Variants in XIRP2 observed in about 807,000 individuals in gnomAD.
XIRP2 encodes the protein xin actin-binding repeat-containing protein 2.
A neutral mutation model predicts 277.0 loss-of-function variants in XIRP2; 236 were observed. That is an observed-to-expected ratio of 0.85 (90% CI 0.77 to 0.95). The LOEUF (loss-of-function observed/expected upper bound fraction) is 0.95. Among genes scored for constraint, XIRP2 ranks in the 40% least tolerant of loss-of-function variants. The pLI, the probability that XIRP2 is intolerant of heterozygous loss-of-function variation, is 0.00. For missense variants in XIRP2, 4,640 were observed against 4,157.5 expected, an observed-to-expected ratio of 1.12 and a Z score of -3.19; for synonymous variants, 1,490 against 1,416.5, an observed-to-expected ratio of 1.05 and a Z score of -1.17.
intron 2 of XIRP2, among the ~76,000 whole-genome samples, chr2:167,112,649 A>AT (rs1690792612): frequency 6.7e-6 from 1 of 149,898 alleles, no homozygotes; most frequent in Non-Finnish European, 1.5e-5. Context: ...ATAGAGAGAG[A>AT]TTTTTTATAT....
intron 4 of XIRP2, among the ~76,000 whole-genome samples, chr2:167,216,847 G>A (rs1441195741): frequency 6.6e-5 from 8 of 121,844 alleles, no homozygotes; most frequent in South Asian, 2.9e-4. Flanking sequence ...TGTTTATTGC[G>A]GCATTATTCA....
At chr2:167,201,035 A>C (rs754991006) in intron 3 of XIRP2, among the ~76,000 whole-genome samples, 59 of 151,846 alleles carry the variant, frequency 3.9e-4, no homozygotes, top group Non-Finnish European at 6.0e-4. Context: ...CTGAGGCAGG[A>C]GAATTGCTTG....
At chr2:167,118,245 C>T (rs1690949357) in intron 2 of XIRP2, among the ~76,000 whole-genome samples, 1 of 151,868 alleles carries the variant, frequency 6.6e-6, no homozygotes, top group Admixed American at 6.6e-5. Context: ...TTTGCGAGGC[C>T]GTGATGGGCA....
chr2:166,937,846 T>G (rs1223388071), intron 2 of XIRP2, among the ~76,000 whole-genome samples: 2 of 152,232 alleles, frequency 1.3e-5, no homozygotes, highest in African/African-American at 4.8e-5. Context: ...GTTGAGGAAT[T>G]TATCCATTTC....
intron 3 of XIRP2, among the ~76,000 whole-genome samples, chr2:167,184,190 G>A (rs968661822): frequency 6.6e-6 from 1 of 152,166 alleles, no homozygotes; most frequent in East Asian, 1.9e-4. Flanking sequence ...CTAGGGCCAA[G>A]ACAGATTTCT....
intron 3 of XIRP2, among the ~76,000 whole-genome samples, chr2:167,193,524 A>G (rs1020986476): frequency 6.6e-6 from 1 of 152,268 alleles, no homozygotes; most frequent in Middle Eastern, 3.4e-3. Flanking sequence ...ATAGCCCTCA[A>G]ATAACAACCA....
intron 2 of XIRP2, among the ~76,000 whole-genome samples, chr2:167,050,102 G>A (rs1273605351): frequency 6.6e-6 from 1 of 152,006 alleles, no homozygotes; most frequent in East Asian, 1.9e-4. Flanking sequence ...ATGTGGAACA[G>A]TATACTATTC....
chr2:167,078,612 A>T (rs1558971150), intron 2 of XIRP2, among the ~76,000 whole-genome samples: 1 of 152,044 alleles, frequency 6.6e-6, no homozygotes, highest in East Asian at 1.9e-4. Context: ...CGAGGTGGGC[A>T]GAACACGAGG....
At chr2:166,933,017 A>G (rs775083432) in intron 2 of XIRP2, among the ~76,000 whole-genome samples, 13 of 151,952 alleles carry the variant, frequency 8.6e-5, no homozygotes, top group Non-Finnish European at 1.6e-4. Context: ...TCTTGGCTGT[A>G]TTTATTCCTT....
intron 2 of XIRP2, among the ~76,000 whole-genome samples, chr2:167,083,158 A>G (rs1658681694): frequency 6.6e-6 from 1 of 152,202 alleles, no homozygotes; most frequent in South Asian, 2.1e-4. Context: ...AGCTTTCTAC[A>G]TATGGCTAGC....
intron 2 of XIRP2, among the ~76,000 whole-genome samples, chr2:166,907,388 C>T (rs1461389489): frequency 6.6e-6 from 1 of 152,102 alleles, no homozygotes; most frequent in Non-Finnish European, 1.5e-5. Flanking sequence ...CAAACCACCC[C>T]AAAAATAGTG....
At chr2:167,206,581 A>G (rs943018883) in intron 3 of XIRP2, among the ~76,000 whole-genome samples, 2 of 152,208 alleles carry the variant, frequency 1.3e-5, no homozygotes, top group Non-Finnish European at 2.9e-5. Flanking sequence ...GACACTGTCA[A>G]GTAGTCTCTG....
chr2:167,188,702 A>G (rs1693235692), intron 3 of XIRP2, among the ~76,000 whole-genome samples: 1 of 152,228 alleles, frequency 6.6e-6, no homozygotes, highest in African/African-American at 2.4e-5. Context: ...CTTGCTAGCA[A>G]CATATAAACT....
At chr2:166,932,195 A>T (rs1395498953) in intron 2 of XIRP2, among the ~76,000 whole-genome samples, 1 of 149,906 alleles carries the variant, frequency 6.7e-6, no homozygotes, top group Non-Finnish European at 1.5e-5. Flanking sequence ...ACTTACATGT[A>T]TACACACTCT....
At chr2:167,221,437 G>A (rs1019616893) in intron 5 of XIRP2, among the ~76,000 whole-genome samples, 3 of 124,498 alleles carry the variant, frequency 2.4e-5, no homozygotes, top group Non-Finnish European at 4.8e-5. Flanking sequence ...TCCAGCCTGG[G>A]CAACAAGAGC....
At chr2:167,183,862 A>G (rs1464769547) in intron 3 of XIRP2, among the ~76,000 whole-genome samples, 1 of 152,178 alleles carries the variant, frequency 6.6e-6, no homozygotes. Context: ...GACCTTCGTC[A>G]GAGATATTAA....
At chr2:167,091,674 T>C (rs964244937) in intron 2 of XIRP2, among the ~76,000 whole-genome samples, 3 of 152,162 alleles carry the variant, frequency 2.0e-5, no homozygotes, top group Non-Finnish European at 2.9e-5. Flanking sequence ...TTCTTGATCT[T>C]GTGGCCCTAT....
Position 167,243,665 on chromosome 2 carries a change from A to C in XIRP2, c.2273A>C (p.His758Pro). The change falls in exon 9 of 11, where the codon CAC (histidine) becomes CCC (proline). Residue 758 changes from histidine (H) to proline (P), a missense_variant. Physicochemically the swap from His to Pro is moderately conservative, Grantham distance 77. Coordinates refer to ENST00000409195, the MANE Select transcript of XIRP2 (RefSeq NM_152381.6). ...CAAATGCTGGAAATTAAAACTGTTC[A>C]CAGAGAAGACGTTGAAAAGGGAGAT... ...SGQMLEIKTV[H>P]REDVEKGDVR... 1 of 1,614,050 alleles carries C rather than the reference A, an allele frequency of 6.2e-7. No homozygotes were observed.
chr2:167,257,564 G>A (rs1302560871), intron 10 of XIRP2, among the ~76,000 whole-genome samples: 2 of 151,892 alleles, frequency 1.3e-5, no homozygotes, highest in Non-Finnish European at 2.9e-5. Context: ...CATTGAATTA[G>A]CACAAGTTCA....
Sources: gnomAD v4.1 joint callset for allele counts (sites outside exome capture counted in the v4.1 genomes callset) on GRCh38, gnomAD v4.1.1 for gene constraint, MANE v1.5 for transcripts, NCBI Gene and HGNC (gene_info 2026-07-23, HGNC 2026-07-21) for gene names.